The following POLG2 variants were observed in gnomAD, a reference collection of about 807,000 sequenced individuals.
POLG2 encodes DNA polymerase gamma 2, accessory subunit, also known as DNA polymerase subunit gamma-2.
Under a neutral mutation model 56.5 loss-of-function variants are expected in POLG2, and 50 were observed. That is an observed-to-expected ratio of 0.88 (90% CI 0.71 to 1.12). The LOEUF is 1.12. Ranked by LOEUF, POLG2 falls within the 50% of genes most tolerant of loss-of-function variation. The probability of loss-of-function intolerance (pLI) is 0.00; values close to 1 mark genes in which losing one functional copy is unlikely to be tolerated. For missense variants in POLG2, 584 were observed against 583.3 expected, an observed-to-expected ratio of 1.00 and a Z score of -0.01; for synonymous variants, 226 against 222.6, an observed-to-expected ratio of 1.02 and a Z score of -0.14.
intron 5 of POLG2, 101 bp from the exon 6 acceptor site, chr17:64,483,100 C>G: frequency 1.5e-6 from 1 of 647,678 alleles, no homozygotes; most frequent in Middle Eastern, 3.9e-4. Context: ...TATTAACAAA[C>G]AGTTTCTTAA....
chr17:64,493,306 C>T lies in POLG2; in HGVS notation c.563-285G>A, dbSNP rs75724608. Among the ~76,000 whole-genome samples, 8,189 of 152,074 alleles carry T rather than the reference C, an allele frequency of 0.054. 380 individuals carry two copies. The highest frequency in any genetic ancestry group is 0.14 in the Admixed American group (2,202 of 15,262). ...GGTGGTGTGTGCCTTGTAGTCCCAGCTACTTGGAAAGCTGGGAGGTGGATC... is the reference window on the plus strand; with the variant it reads ...GGTGGTGTGTGCCTTGTAGTCCCAGTTACTTGGAAAGCTGGGAGGTGGATC... On this transcript the variant is annotated intron_variant, in intron 1 of 7. Coordinates refer to ENST00000539111, the MANE Select transcript of POLG2 (RefSeq NM_007215.4).
Position 64,490,831 on chromosome 17 carries a change from A to G in POLG2, c.934T>C (p.Leu312=), listed in dbSNP as rs782231130. Residue 312 remains leucine (L), a synonymous_variant, in exon 4 of 8, where the codon TTA becomes CTA. Transcript: ENST00000539111. ...TLWNLGDHEL[L]HMYPGNVSKL... is the part of the protein sequence containing the mutation. ...GACACATTGCCAGGATACATGTGTAAAAGTTCGTGATCTCCTAGGTTCCAC... is the reference window on the plus strand; with the variant it reads ...GACACATTGCCAGGATACATGTGTAGAAGTTCGTGATCTCCTAGGTTCCAC... 6.2e-6 allele frequency: 10 copies of G among 1,613,564 alleles called. No homozygotes were observed. The highest frequency in any genetic ancestry group is 8.5e-6 in the Non-Finnish European group (10 of 1,179,632).
Position 64,491,990 on chromosome 17 carries a change from A to T in POLG2, c.795+677T>A, listed in dbSNP as rs532777972. 3.9e-5 allele frequency among the ~76,000 whole-genome samples: 6 copies of T among 152,260 alleles called. No homozygotes were observed. In the East Asian group the frequency reaches 1.2e-3, roughly 29 times the overall value. ...AAAAATAAAATAAAATAAAAAGTGA[A>T]AATACTGAGTATATTGCTTAACATA... On this transcript the variant is annotated intron_variant, in intron 3 of 7. Transcript: ENST00000539111.
chr17:64,485,735 T>A lies in POLG2; in HGVS notation c.1103A>T (p.His368Leu), dbSNP rs2144156314. 1.9e-6 allele frequency: 3 copies of A among 1,612,556 alleles called. No homozygotes were observed. The highest frequency in any genetic ancestry group is 2.5e-6 in the Non-Finnish European group (3 of 1,178,528). Residue 368 changes from histidine (H) to leucine (L), a missense_variant, in exon 5 of 8, where the codon CAT (histidine) becomes CTT (leucine). By Grantham distance (99) the His-to-Leu change is moderately conservative (BLOSUM62 -3). Transcript: ENST00000539111. Reference sequence around the variant, plus strand: ...CTGAAATATCAACAGCACCTTTCTATGAAGATTTTTCTTTCTTGTAAAGGA... The same window carrying A: ...CTGAAATATCAACAGCACCTTTCTAAGAAGATTTTTCTTTCTTGTAAAGGA... ...ENSFTRKKNL[H>L]RKVLKLHPCL...
intron 3 of POLG2, among the ~76,000 whole-genome samples, chr17:64,492,265 TTCAAC>T (rs782778231): frequency 1.9e-4 from 29 of 152,230 alleles, no homozygotes; most frequent in Non-Finnish European, 3.8e-4. Flanking sequence ...AAATGCTTAC[TTCAAC>T]TCTTTTTTTT....
At chr17:64,480,056 T>C (rs2037831437) in intron 7 of POLG2, among the ~76,000 whole-genome samples, 1 of 152,234 alleles carries the variant, frequency 6.6e-6, no homozygotes, top group African/African-American at 2.4e-5. Context: ...TATACATACT[T>C]CATGACATTA....
At chr17:64,479,066 T>C (rs542843156) in intron 7 of POLG2, among the ~76,000 whole-genome samples, 6 of 152,206 alleles carry the variant, frequency 3.9e-5, no homozygotes, top group South Asian at 4.1e-4. Flanking sequence ...AGGATAAGAA[T>C]TGAGAACCTG....
Position 64,496,434 on chromosome 17 carries a change from C to A in POLG2, c.535G>T (p.Gly179Trp), listed in dbSNP as rs200880373. 2 of 1,587,462 alleles carry A rather than the reference C, an allele frequency of 1.3e-6. No homozygotes were observed. Among genetic ancestry groups the A allele is most frequent in the African/African-American group, 1.3e-5 (1 of 74,296 alleles). ...AFLENVLKTS[G>W]KLRENLLHGA... ...TGAAGAAGGTTCTCCCGTAGTTTCC[C>A]AGAAGTTTTTAATACGTTCTCAAGA... Residue 179 changes from glycine (G) to tryptophan (W), a missense_variant, in exon 1 of 8, where the codon GGG becomes TGG. Gly to Trp is a radical substitution (Grantham distance 184). Coordinates refer to ENST00000539111, the MANE Select transcript of POLG2 (RefSeq NM_007215.4).
At chr17:64,485,130 T>C (rs1598124461) in intron 5 of POLG2, 1 of 152,426 alleles carries the variant, frequency 6.6e-6, no homozygotes, top group East Asian at 1.9e-4. Context: ...ATTCTTCTAC[T>C]TGGGCTCTTG....
At chr17:64,491,800 C>G in intron 3 of POLG2, 1 of 532,002 alleles carries the variant, frequency 1.9e-6, no homozygotes, top group South Asian at 1.7e-5. Context: ...AGAAGACATG[C>G]TCTGCACTCC....
At chr17:64,496,282 A>G (rs923650352) in intron 1 of POLG2, 125 bp downstream of exon 1, 42 of 677,144 alleles carry the variant, frequency 6.2e-5, no homozygotes, top group Non-Finnish European at 3.7e-5. Flanking sequence ...CTACTTCAAA[A>G]AGATGAGAAC....
chr17:64,491,990 A>C (rs532777972), intron 3 of POLG2, among the ~76,000 whole-genome samples: 1 of 152,142 alleles, frequency 6.6e-6, no homozygotes, highest in Non-Finnish European at 1.5e-5. Context: ...TAAAAAGTGA[A>C]AATACTGAGT....
At chr17:64,487,837 A>G (rs1364611070) in intron 4 of POLG2, among the ~76,000 whole-genome samples, 1 of 151,956 alleles carries the variant, frequency 6.6e-6, no homozygotes, top group Non-Finnish European at 1.5e-5. Context: ...TCCCATCCCT[A>G]TTTAAAACAA....
At chr17:64,488,336 A>G (rs1327736827) in intron 4 of POLG2, among the ~76,000 whole-genome samples, 7 of 152,252 alleles carry the variant, frequency 4.6e-5, no homozygotes, top group African/African-American at 1.7e-4. Flanking sequence ...GGAAACAGAA[A>G]AGGAACAATG....
chr17:64,486,379 C>CTTTTTTTTTTTTTTTTTTTTTTTTTTTTG (rs1555667485), intron 4 of POLG2, among the ~76,000 whole-genome samples: 1 of 146,678 alleles, frequency 6.8e-6, no homozygotes, highest in Non-Finnish European at 1.5e-5. Flanking sequence ...TTTTTTAATA[C>CTTTTTTTTTTTTTTTTTTTTTTTTTTTTG]AGACAGAGTC....
At chr17:64,490,750 A>T in intron 4 of POLG2, 46 bp downstream of exon 4, 1 of 1,450,848 alleles carries the variant, frequency 6.9e-7, no homozygotes, top group Non-Finnish European at 9.7e-7. Context: ...AAATGATTAT[A>T]GAGAATCTGG....
intron 4 of POLG2, among the ~76,000 whole-genome samples, chr17:64,486,164 C>T (rs1183978862): frequency 6.6e-6 from 1 of 152,202 alleles, no homozygotes; most frequent in Admixed American, 6.5e-5. Flanking sequence ...GATGCATTCT[C>T]TGCTCTCACT....
At chr17:64,481,946 A>C (rs1410755853) in intron 6 of POLG2, among the ~76,000 whole-genome samples, 1 of 140,088 alleles carries the variant, frequency 7.1e-6, no homozygotes, top group Non-Finnish European at 1.5e-5. Context: ...CATGTGTACA[A>C]ATATTTTAAT....
At chr17:64,488,566 A>C (rs1167965704) in intron 4 of POLG2, among the ~76,000 whole-genome samples, 5 of 152,294 alleles carry the variant, frequency 3.3e-5, no homozygotes, top group Non-Finnish European at 7.4e-5. Flanking sequence ...GAACAAAATA[A>C]GACACTAATA....
Sources: gnomAD v4.1 joint callset for allele counts (sites outside exome capture counted in the v4.1 genomes callset) on GRCh38, gnomAD v4.1.1 for gene constraint, MANE v1.5 for transcripts, NCBI Gene and HGNC (gene_info 2026-07-23, HGNC 2026-07-21) for gene names.